Variants in MAST4 observed in about 807,000 individuals in gnomAD.
MAST4 encodes microtubule-associated serine/threonine-protein kinase 4.
MAST4 carries 89 observed loss-of-function variants against 162.7 expected under a neutral mutation model. The observed-to-expected ratio is 0.55, with a 90% CI of 0.46 to 0.65. MAST4 has a LOEUF of 0.65. MAST4 is among the 30% of genes least tolerant of loss of function. The pLI is 0.00. For missense variants in MAST4, 3,153 were observed against 3,374.0 expected (o/e 0.93, Z 1.62); for synonymous variants, 1,479 against 1,361.1 (o/e 1.09, Z -1.91).
chr5:66,806,759 T>C (rs755981431), intron 3 of MAST4, among the ~76,000 whole-genome samples: 26 of 152,108 alleles, frequency 1.7e-4, no homozygotes, highest in Non-Finnish European at 2.9e-4. Flanking sequence ...TTTTTGTGCA[T>C]CCTAGTAACA....
At chr5:66,966,860 A>C (rs1441143354) in intron 4 of MAST4, among the ~76,000 whole-genome samples, 2 of 152,232 alleles carry the variant, frequency 1.3e-5, no homozygotes, top group Non-Finnish European at 2.9e-5. Context: ...AATTTCTAGC[A>C]TTAGTGACTT....
At chr5:66,909,054 A>G (rs143647142) in intron 4 of MAST4, among the ~76,000 whole-genome samples, 316 of 152,242 alleles carry the variant, frequency 2.1e-3, no homozygotes, top group African/African-American at 7.2e-3. Context: ...CAGATCATTT[A>G]TTTTTGTCCT....
chr5:66,954,855 C>T (rs571434036), intron 4 of MAST4, among the ~76,000 whole-genome samples: 1 of 150,640 alleles, frequency 6.6e-6, no homozygotes, highest in African/African-American at 2.5e-5. Context: ...GAGCCGAGAT[C>T]ACGCTACTGC....
chr5:66,651,392 T>A (rs1025326553), intron 1 of MAST4, among the ~76,000 whole-genome samples: 7 of 152,124 alleles, frequency 4.6e-5, no homozygotes, highest in South Asian at 4.1e-4. Flanking sequence ...TCTGATATTA[T>A]ATACTCAGTC....
rs374258472 is a variant in MAST4 at position 66,879,989 on chromosome 5, TA to T, written c.643-19961del. Reference sequence around the variant, plus strand: ...TGAATGAGTCCTGGAAAAGATTATTTATTATAGCATCCTTTTTAATAGCAAA... The same window carrying T: ...TGAATGAGTCCTGGAAAAGATTATTTTTATAGCATCCTTTTTAATAGCAAA... On this transcript the variant is annotated intron_variant, in intron 3 of 28. Transcript: ENST00000403625. 1.8e-3 allele frequency among the ~76,000 whole-genome samples: 274 copies of T among 152,346 alleles called. 1 individual carries two copies. Among genetic ancestry groups the T allele is most frequent in the African/African-American group, 6.3e-3 (261 of 41,588 alleles).
At chr5:67,106,190 G>A (rs1765574963) in intron 10 of MAST4, among the ~76,000 whole-genome samples, 1 of 151,732 alleles carries the variant, frequency 6.6e-6, no homozygotes, top group Non-Finnish European at 1.5e-5. Flanking sequence ...CTCTCCTAGG[G>A]ATCTTGTCAG....
At chr5:67,105,831 C>T (rs988001472) in intron 10 of MAST4, among the ~76,000 whole-genome samples, 5 of 152,156 alleles carry the variant, frequency 3.3e-5, no homozygotes, top group Admixed American at 1.3e-4. Flanking sequence ...TGCCCTTTGA[C>T]TTCTCTACAC....
intron 12 of MAST4, among the ~76,000 whole-genome samples, chr5:67,116,335 A>G (rs1766908988): frequency 6.6e-6 from 1 of 151,676 alleles, no homozygotes; most frequent in African/African-American, 2.4e-5. Flanking sequence ...CCTCCCGAGT[A>G]TCTGGGATTA....
chr5:66,998,660 G>A (rs1750936302), intron 4 of MAST4, among the ~76,000 whole-genome samples: 1 of 151,486 alleles, frequency 6.6e-6, no homozygotes, highest in South Asian at 2.1e-4. Flanking sequence ...TCTTTCCCCT[G>A]CCCACCCCTT....
At chr5:66,688,094 A>G (rs552915027) in intron 1 of MAST4, among the ~76,000 whole-genome samples, 1 of 152,328 alleles carries the variant, frequency 6.6e-6, no homozygotes, top group African/African-American at 2.4e-5. Flanking sequence ...GTAATATGGA[A>G]TAGCCCACTC....
At chr5:66,809,369 CTG>C (rs879500246) in intron 3 of MAST4, among the ~76,000 whole-genome samples, 3 of 152,192 alleles carry the variant, frequency 2.0e-5, no homozygotes, top group Non-Finnish European at 4.4e-5. Flanking sequence ...AAATTCAGAA[CTG>C]TATAGTTGTG....
chr5:66,600,823 T>C (rs1411268578), intron 1 of MAST4, among the ~76,000 whole-genome samples: 1 of 152,202 alleles, frequency 6.6e-6, no homozygotes, highest in Non-Finnish European at 1.5e-5. Context: ...TCCTTTTCAC[T>C]GTGTTTATTA....
At chr5:66,842,048 A>T (rs1383252922) in intron 3 of MAST4, among the ~76,000 whole-genome samples, 1 of 152,190 alleles carries the variant, frequency 6.6e-6, no homozygotes, top group Non-Finnish European at 1.5e-5. Flanking sequence ...GGAAGGCATG[A>T]TATATTAATA....
intron 3 of MAST4, among the ~76,000 whole-genome samples, chr5:66,853,793 A>G (rs1200088417): frequency 6.6e-6 from 1 of 152,226 alleles, no homozygotes; most frequent in Non-Finnish European, 1.5e-5. Flanking sequence ...GGAAATCAGA[A>G]TTCTTTTCTA....
chr5:66,852,979 G>A (rs1438383808), intron 3 of MAST4, among the ~76,000 whole-genome samples: 1 of 152,158 alleles, frequency 6.6e-6, no homozygotes, highest in Non-Finnish European at 1.5e-5. Flanking sequence ...CATAGTGGAT[G>A]GTACACCCTG....
At chr5:67,071,963 A>G (rs1042891559) in intron 5 of MAST4, among the ~76,000 whole-genome samples, 3 of 152,228 alleles carry the variant, frequency 2.0e-5, no homozygotes. Context: ...ACAGAAGCAC[A>G]CATGTGCAAA....
chr5:66,962,294 A>G (rs1746112654), intron 4 of MAST4, among the ~76,000 whole-genome samples: 1 of 152,232 alleles, frequency 6.6e-6, no homozygotes, highest in Non-Finnish European at 1.5e-5. Context: ...AACTCTCTGC[A>G]CTAGCCAGGC....
At chr5:66,909,181 G>A (rs1467015476) in intron 4 of MAST4, among the ~76,000 whole-genome samples, 3 of 152,106 alleles carry the variant, frequency 2.0e-5, no homozygotes, top group Non-Finnish European at 4.4e-5. Context: ...GAAAGGGGCA[G>A]TTGACCCCAC....
At chr5:66,597,074 T>C in intron 1 of MAST4, 56 bp downstream of exon 1, 1 of 1,346,940 alleles carries the variant, frequency 7.4e-7, no homozygotes. Context: ...CGACCGTAGT[T>C]TCCCATCCTG....
Sources: allele counts gnomAD v4.1 joint callset (sites outside exome capture counted in the v4.1 genomes callset), GRCh38; gene constraint gnomAD v4.1.1; transcripts MANE v1.5; gene names NCBI Gene and HGNC (gene_info 2026-07-23, HGNC 2026-07-21).